SPIRE1: variants seen among roughly 807,000 people sequenced by gnomAD.
The protein encoded by SPIRE1 is spire type actin nucleation factor 1.
In SPIRE1, 40 loss-of-function variants were observed where a neutral mutation model predicts 94.1. The observed-to-expected ratio is 0.43, with a 90% CI of 0.33 to 0.55. SPIRE1 has a LOEUF of 0.55. Ranked by LOEUF, SPIRE1 falls within the 20% of genes least tolerant of loss-of-function variation. The pLI, the probability that SPIRE1 is intolerant of heterozygous loss-of-function variation, is 0.06. For missense variants in SPIRE1, 838 were observed against 975.2 expected (o/e 0.86, Z 1.87); for synonymous variants, 376 against 371.7 (o/e 1.01, Z -0.13).
chr18:12,565,821 G>A (rs2035804038), intron 2 of SPIRE1, among the ~76,000 whole-genome samples: 1 of 151,526 alleles, frequency 6.6e-6, no homozygotes, highest in African/African-American at 2.4e-5. Flanking sequence ...AGATCATGAG[G>A]TCAGAAGTAC....
chr18:12,501,778 T>A (rs1448902846), intron 6 of SPIRE1, among the ~76,000 whole-genome samples: 1 of 152,084 alleles, frequency 6.6e-6, no homozygotes, highest in Admixed American at 6.5e-5. Flanking sequence ...CTGGGCAACA[T>A]AGCAAGAACC....
At chr18:12,544,035 A>G (rs2035083304) in intron 3 of SPIRE1, among the ~76,000 whole-genome samples, 1 of 152,234 alleles carries the variant, frequency 6.6e-6, no homozygotes, top group Non-Finnish European at 1.5e-5. Flanking sequence ...CATTCAGAAC[A>G]GTCACAGATG....
chr18:12,546,178 A>G (rs1375671061), intron 3 of SPIRE1, among the ~76,000 whole-genome samples: 1 of 152,022 alleles, frequency 6.6e-6, no homozygotes, highest in East Asian at 1.9e-4. Context: ...TTTAGTAGAG[A>G]CAGGGTTTGA....
rs563215443 is a variant in SPIRE1 at position 12,657,789 on chromosome 18, G to A, written c.78C>T (p.Pro26=). 3 of 1,291,544 alleles carry A rather than the reference G, an allele frequency of 2.3e-6. No homozygotes were observed. The highest frequency in any genetic ancestry group is 4.1e-5 in the South Asian group (2 of 48,528). The allele number at this position is 1,291,544 out of a possible 1,614,324, so 80.0% of individuals were successfully genotyped here. A position where few individuals can be genotyped will look rare whatever the true frequency, so the allele number is the denominator to read the frequency against. Residue 26 remains proline (P), a synonymous_variant, in exon 1 of 17, where the codon CCC becomes CCT. Transcript: ENST00000409402. ...EAVGGEGPRE[P]GAAGGAAGGS... ...CCCCGGCCGCGCCGCCGGCTGCCCCGGGCTCCCGCGGCCCCTCGCCGCCCA... is the reference window on the plus strand; with the variant it reads ...CCCCGGCCGCGCCGCCGGCTGCCCCAGGCTCCCGCGGCCCCTCGCCGCCCA...
chr18:12,522,753 G>C (rs748793764), intron 4 of SPIRE1, among the ~76,000 whole-genome samples: 5 of 152,136 alleles, frequency 3.3e-5, no homozygotes, highest in Admixed American at 1.3e-4. Flanking sequence ...CTCTGTCTGT[G>C]CTCTATAAAT....
chr18:12,488,251 A>AT (rs35340790), intron 8 of SPIRE1, among the ~76,000 whole-genome samples: 2 of 152,156 alleles, frequency 1.3e-5, no homozygotes, highest in African/African-American at 4.8e-5. Context: ...TTTCCTTGTA[A>AT]TTTTTTTGTC....
At chr18:12,658,898 A>C, upstream of SPIRE1, 1 of 276,886 alleles carries the variant, frequency 3.6e-6, no homozygotes, top group South Asian at 3.1e-5. Context: ...GTCCTTCCGG[A>C]TTCATTTGTA....
chr18:12,567,599 C>T (rs1179572563), intron 2 of SPIRE1, among the ~76,000 whole-genome samples: 1 of 152,292 alleles, frequency 6.6e-6, no homozygotes, highest in South Asian at 2.1e-4. Flanking sequence ...CCTAAGAGGT[C>T]TGATTACTCC....
chr18:12,558,264 C>T (rs1194315292), intron 2 of SPIRE1, among the ~76,000 whole-genome samples: 4 of 151,874 alleles, frequency 2.6e-5, no homozygotes, highest in Admixed American at 6.6e-5. Flanking sequence ...CAGACCTTTG[C>T]GGTGAGTGTT....
intron 4 of SPIRE1, among the ~76,000 whole-genome samples, chr18:12,516,763 A>G (rs11663358): frequency 0.048 from 7,284 of 152,286 alleles, 194 homozygotes; most frequent in South Asian, 0.096. Flanking sequence ...TTTTGCTTCA[A>G]TGCCCCCCAA....
intron 10 of SPIRE1, among the ~76,000 whole-genome samples, chr18:12,467,409 T>C (rs1299717397): frequency 6.6e-6 from 1 of 152,222 alleles, no homozygotes; most frequent in Admixed American, 6.5e-5. Context: ...TCAGTCATAG[T>C]AATCTCCAAA....
At chr18:12,549,971 T>C (rs1242721742) in intron 2 of SPIRE1, among the ~76,000 whole-genome samples, 1 of 152,204 alleles carries the variant, frequency 6.6e-6, no homozygotes, top group Admixed American at 6.5e-5. Context: ...CAAGAAGTCA[T>C]TTTATATCAT....
At chr18:12,607,958 C>T (rs981843311) in intron 2 of SPIRE1, among the ~76,000 whole-genome samples, 3 of 152,056 alleles carry the variant, frequency 2.0e-5, no homozygotes, top group Admixed American at 6.6e-5. Context: ...AGATCGAGAC[C>T]ATCCTGGCTA....
At chr18:12,474,158 TA>T (rs2032467678) in intron 10 of SPIRE1, among the ~76,000 whole-genome samples, 1 of 152,190 alleles carries the variant, frequency 6.6e-6, no homozygotes, top group Non-Finnish European at 1.5e-5. Flanking sequence ...CAAGAGTGAA[TA>T]AAGTGTTCAG....
chr18:12,524,994 T>C (rs1233823164), intron 4 of SPIRE1, among the ~76,000 whole-genome samples: 1 of 145,862 alleles, frequency 6.9e-6, no homozygotes, highest in Admixed American at 6.9e-5. Flanking sequence ...AAAAAAAAAG[T>C]GGCCAGGCAC....
intron 6 of SPIRE1, among the ~76,000 whole-genome samples, chr18:12,501,381 CTTTT>C (rs1567893805): frequency 2.0e-5 from 3 of 152,094 alleles, no homozygotes; most frequent in East Asian, 1.9e-4. Flanking sequence ...AAAAGTCAGA[CTTTT>C]TTTGTTTGTT....
intron 2 of SPIRE1, among the ~76,000 whole-genome samples, chr18:12,591,837 T>C (rs1274989890): frequency 6.6e-6 from 1 of 151,696 alleles, no homozygotes; most frequent in Non-Finnish European, 1.5e-5. Context: ...GGCGTCATGG[T>C]GGGCACCTGT....
chr18:12,523,462 G>A (rs1285998974), intron 4 of SPIRE1, among the ~76,000 whole-genome samples: 1 of 152,146 alleles, frequency 6.6e-6, no homozygotes, highest in Non-Finnish European at 1.5e-5. Flanking sequence ...CTCCAATTTT[G>A]AAAGAAGTTC....
At chr18:12,534,121 G>C (rs1227757049) in intron 4 of SPIRE1, among the ~76,000 whole-genome samples, 3 of 152,160 alleles carry the variant, frequency 2.0e-5, no homozygotes, top group Non-Finnish European at 4.4e-5. Context: ...ACCCTAGCTA[G>C]AGCAGAGGAA....
Sources: allele counts gnomAD v4.1 joint callset (sites outside exome capture counted in the v4.1 genomes callset), GRCh38; gene constraint gnomAD v4.1.1; transcripts MANE v1.5; gene names NCBI Gene and HGNC (gene_info 2026-07-23, HGNC 2026-07-21).